The following TAS2R1 variants were observed in gnomAD, a reference collection of about 807,000 sequenced individuals.
The protein encoded by TAS2R1 is taste receptor type 2 member 1.
For synonymous variants in TAS2R1, 141 were observed against 134.2 expected (o/e 1.05, Z -0.35); for missense variants, 370 against 353.4 (o/e 1.05, Z -0.38).
chr5:9,653,791 C>T (rs377766283), intron 2 of TAS2R1, among the ~76,000 whole-genome samples: 16 of 152,046 alleles, frequency 1.1e-4, no homozygotes, highest in African/African-American at 3.1e-4. Flanking sequence ...TCTGAAAATT[C>T]GTTTCAAACT....
At chr5:9,830,546 CATAA>C in the TAS2R1 span, among the ~76,000 whole-genome samples, 2 of 151,750 alleles carry the variant, frequency 1.3e-5, no homozygotes, top group Admixed American at 6.6e-5. Context: ...AGATGATAGA[CATAA>C]ATAGAGAGAT....
chr5:9,629,996 C>A lies in TAS2R1; in HGVS notation c.37G>T (p.Ala13Ser), dbSNP rs1739841541. 1.9e-6 allele frequency: 3 copies of A among 1,589,208 alleles called. No individual in the cohort carries two copies. The highest frequency in any genetic ancestry group is 2.6e-6 in the Non-Finnish European group (3 of 1,171,230). ...ATCCCAAGAAGAAATTGTATCACTG[C>A]AAGAAGAAAATAGATAATGAGGTGA... The part of the protein sequence containing the change: ...ESHLIIYFLL[A>S]VIQFLLGIFT... Residue 13 changes from alanine (A) to serine (S), a missense_variant, in exon 1 of 1, where the codon GCA becomes TCA. Ala to Ser is a moderately conservative substitution (Grantham distance 99, BLOSUM62 1). Transcript: ENST00000382492.
At chr5:9,683,938 G>A (rs896395422) in intron 1 of TAS2R1, among the ~76,000 whole-genome samples, 2 of 152,092 alleles carry the variant, frequency 1.3e-5, no homozygotes, top group African/African-American at 2.4e-5. Context: ...GCATATATTT[G>A]TTACAAGAAT....
chr5:9,864,235 G>A, the TAS2R1 span, among the ~76,000 whole-genome samples: 27 of 152,282 alleles, frequency 1.8e-4, no homozygotes, highest in African/African-American at 5.8e-4. Context: ...CTACCTATGC[G>A]TAAGAGGTGG....
At chr5:9,859,116 TG>T in the TAS2R1 span, among the ~76,000 whole-genome samples, 2 of 152,210 alleles carry the variant, frequency 1.3e-5, no homozygotes, top group African/African-American at 4.8e-5. Flanking sequence ...TTCATTAAAA[TG>T]GTCCTTTGCT....
the TAS2R1 span, among the ~76,000 whole-genome samples, chr5:9,781,631 A>T: frequency 6.6e-6 from 1 of 152,028 alleles, no homozygotes; most frequent in Non-Finnish European, 1.5e-5. Flanking sequence ...TGTGTAAACC[A>T]CTCTGACAAC....
chr5:9,852,314 G>A, the TAS2R1 span, among the ~76,000 whole-genome samples: 43 of 151,366 alleles, frequency 2.8e-4, 1 homozygote, highest in East Asian at 8.3e-3. Flanking sequence ...CTAGTTGGAT[G>A]ACTTAACTGT....
At chr5:9,753,341 T>C in the TAS2R1 span, among the ~76,000 whole-genome samples, 1 of 152,260 alleles carries the variant, frequency 6.6e-6, no homozygotes, top group Non-Finnish European at 1.5e-5. Context: ...GCTGCATAAA[T>C]GTCTTCTTTT....
At chr5:9,808,576 G>A in the TAS2R1 span, among the ~76,000 whole-genome samples, 1 of 152,166 alleles carries the variant, frequency 6.6e-6, no homozygotes, top group African/African-American at 2.4e-5. Context: ...ACTACTGTGA[G>A]TGTCAACCAT....
intron 2 of TAS2R1, among the ~76,000 whole-genome samples, chr5:9,644,152 G>A (rs931375837): frequency 6.6e-6 from 1 of 152,284 alleles, no homozygotes; most frequent in Non-Finnish European, 1.5e-5. Context: ...TGAGGGGGAA[G>A]CTTTGTTATA....
the TAS2R1 span, among the ~76,000 whole-genome samples, chr5:9,790,318 C>T: frequency 6.6e-6 from 1 of 152,162 alleles, no homozygotes; most frequent in African/African-American, 2.4e-5. Flanking sequence ...ATAATTTTTA[C>T]TTTAAATGCC....
chr5:9,635,444 G>A (rs1170173127), intron 2 of TAS2R1, among the ~76,000 whole-genome samples: 2 of 151,950 alleles, frequency 1.3e-5, no homozygotes, highest in South Asian at 4.1e-4. Flanking sequence ...TTGACATTAG[G>A]GTGATACTGG....
chr5:9,793,878 C>T, the TAS2R1 span, among the ~76,000 whole-genome samples: 3 of 152,150 alleles, frequency 2.0e-5, no homozygotes, highest in Non-Finnish European at 2.9e-5. Context: ...CCCTGTGTCT[C>T]GGTCCAGAAC....
chr5:9,840,857 A>ATTTATTT, the TAS2R1 span, among the ~76,000 whole-genome samples: 3 of 132,088 alleles, frequency 2.3e-5, no homozygotes, highest in Non-Finnish European at 4.8e-5. Context: ...TTATTTATTT[A>ATTTATTT]TTTTTTTTTT....
chr5:9,840,280 T>C, the TAS2R1 span, among the ~76,000 whole-genome samples: 2 of 152,224 alleles, frequency 1.3e-5, no homozygotes, highest in South Asian at 4.1e-4. Context: ...CTCAGACTTC[T>C]GGGATTCACA....
intron 1 of TAS2R1, among the ~76,000 whole-genome samples, chr5:9,674,456 C>G (rs907476702): frequency 1.3e-5 from 2 of 152,052 alleles, no homozygotes; most frequent in Non-Finnish European, 2.9e-5. Flanking sequence ...TGGTTAGAAC[C>G]TGGGGCCAGA....
the TAS2R1 span, among the ~76,000 whole-genome samples, chr5:9,888,136 T>A: frequency 3.9e-4 from 59 of 152,082 alleles, no homozygotes; most frequent in Non-Finnish European, 7.5e-4. Context: ...TAGGCCCCCA[T>A]CTGCACCATG....
chr5:9,817,315 T>C, the TAS2R1 span, among the ~76,000 whole-genome samples: 1 of 152,260 alleles, frequency 6.6e-6, no homozygotes, highest in Admixed American at 6.5e-5. Flanking sequence ...ATGCCTACGC[T>C]TTAAATTTAT....
the TAS2R1 span, among the ~76,000 whole-genome samples, chr5:9,767,023 T>TGGA: frequency 6.6e-6 from 1 of 152,146 alleles, no homozygotes; most frequent in Non-Finnish European, 1.5e-5. Flanking sequence ...TACACATGGA[T>TGGA]GGAGCCCAAA....
Sources: gnomAD v4.1 joint callset for allele counts (sites outside exome capture counted in the v4.1 genomes callset) on GRCh38, gnomAD v4.1.1 for gene constraint, MANE v1.5 for transcripts, NCBI Gene and HGNC (gene_info 2026-07-23, HGNC 2026-07-21) for gene names.